The following TASP1 variants were observed in gnomAD, a reference collection of about 807,000 sequenced individuals.
TASP1 encodes taspase 1.
Under a neutral mutation model 56.6 loss-of-function variants are expected in TASP1, and 16 were observed. The observed-to-expected ratio is 0.28, with a 90% CI of 0.19 to 0.43. The LOEUF is 0.43. Ranked by LOEUF, TASP1 falls within the 20% of genes least tolerant of loss-of-function variation. The pLI is 1.00. For missense variants in TASP1, 393 were observed against 511.6 expected, an observed-to-expected ratio of 0.77 and a Z score of 2.24; for synonymous variants, 179 against 184.2, an observed-to-expected ratio of 0.97 and a Z score of 0.23.
At chr20:13,118,746 T>C in the TASP1 span, among the ~76,000 whole-genome samples, 1 of 152,200 alleles carries the variant, frequency 6.6e-6, no homozygotes, top group African/African-American at 2.4e-5. Flanking sequence ...CCTATTGTGA[T>C]GAACAGGAAC....
chr20:13,575,689 G>C (rs986806839), intron 6 of TASP1, among the ~76,000 whole-genome samples: 1 of 152,116 alleles, frequency 6.6e-6, no homozygotes, highest in African/African-American at 2.4e-5. Flanking sequence ...ATATGATCAA[G>C]AGCATCTGTG....
At chr20:13,535,144 G>A (rs2045366785) in intron 8 of TASP1, among the ~76,000 whole-genome samples, 1 of 152,076 alleles carries the variant, frequency 6.6e-6, no homozygotes, top group South Asian at 2.1e-4. Flanking sequence ...GTGATTTATT[G>A]CTCACATTAC....
chr20:13,483,569 G>T (rs554038190), intron 10 of TASP1, among the ~76,000 whole-genome samples: 2 of 152,090 alleles, frequency 1.3e-5, no homozygotes, highest in Middle Eastern at 3.2e-3. Context: ...AAATTAATAT[G>T]ATACGTAGTT....
At chr20:13,515,233 C>G (rs990543000) in intron 10 of TASP1, among the ~76,000 whole-genome samples, 12 of 152,040 alleles carry the variant, frequency 7.9e-5, no homozygotes, top group African/African-American at 2.9e-4. Flanking sequence ...ACATGCTAGA[C>G]CAAATGGTCG....
the TASP1 span, among the ~76,000 whole-genome samples, chr20:13,282,216 C>T: frequency 1.3e-5 from 2 of 152,048 alleles, no homozygotes; most frequent in Admixed American, 6.6e-5. Context: ...AATATGGGTC[C>T]CAGGCATCGT....
At chr20:13,523,607 T>C (rs1339097651) in intron 10 of TASP1, among the ~76,000 whole-genome samples, 1 of 152,092 alleles carries the variant, frequency 6.6e-6, no homozygotes, top group Non-Finnish European at 1.5e-5. Flanking sequence ...AGCTCAGAAA[T>C]ATTGAGGCAT....
chr20:13,221,763 C>T, the TASP1 span: 6 of 1,429,554 alleles, frequency 4.2e-6, no homozygotes, highest in Non-Finnish European at 5.5e-6. Context: ...CCTAAAGCCG[C>T]GCGTCTCAAA....
At chr20:13,418,737 A>C (rs138271156) in intron 12 of TASP1, among the ~76,000 whole-genome samples, 89 of 152,328 alleles carry the variant, frequency 5.8e-4, no homozygotes, top group African/African-American at 1.9e-3. Flanking sequence ...AACAAAGCTA[A>C]CACCACCAAT....
intron 6 of TASP1, among the ~76,000 whole-genome samples, chr20:13,577,176 T>C (rs759960536): frequency 6.6e-6 from 1 of 152,156 alleles, no homozygotes; most frequent in African/African-American, 2.4e-5. Flanking sequence ...GTTAAATCTC[T>C]TCTAACTTTG....
intron 4 of TASP1, among the ~76,000 whole-genome samples, chr20:13,612,784 C>G (rs1218368302): frequency 6.6e-6 from 1 of 152,102 alleles, no homozygotes; most frequent in Non-Finnish European, 1.5e-5. Flanking sequence ...TTCAGATGGA[C>G]AGGGTTTACG....
At chr20:13,372,453 T>C in the TASP1 span, among the ~76,000 whole-genome samples, 1 of 152,016 alleles carries the variant, frequency 6.6e-6, no homozygotes, top group East Asian at 1.9e-4. Context: ...ATTTGCTAGG[T>C]TTTATATTCA....
At chr20:13,143,783 A>C in the TASP1 span, among the ~76,000 whole-genome samples, 1 of 152,228 alleles carries the variant, frequency 6.6e-6, no homozygotes, top group East Asian at 1.9e-4. Context: ...AGCCCTTTCA[A>C]GGAACCACAT....
chr20:13,114,302 T>C, the TASP1 span, among the ~76,000 whole-genome samples: 1 of 152,236 alleles, frequency 6.6e-6, no homozygotes, highest in East Asian at 1.9e-4. Flanking sequence ...TATGTTTTCA[T>C]TAAGTATCAT....
intron 6 of TASP1, among the ~76,000 whole-genome samples, chr20:13,578,568 T>C (rs1367047923): frequency 6.6e-6 from 1 of 152,198 alleles, no homozygotes; most frequent in Non-Finnish European, 1.5e-5. Context: ...ATAAGAATAC[T>C]CTCCCATATT....
the TASP1 span, among the ~76,000 whole-genome samples, chr20:13,343,450 G>A: frequency 2.6e-5 from 4 of 152,172 alleles, no homozygotes; most frequent in Non-Finnish European, 5.9e-5. Context: ...CCAGGGAGAC[G>A]CCTCACACCA....
intron 10 of TASP1, among the ~76,000 whole-genome samples, chr20:13,520,550 T>C (rs1037188336): frequency 1.3e-5 from 2 of 152,172 alleles, no homozygotes; most frequent in Non-Finnish European, 2.9e-5. Flanking sequence ...TAAATGGTGC[T>C]GGGAAAACTG....
At chr20:13,626,325 G>C (rs1189754550) in intron 2 of TASP1, among the ~76,000 whole-genome samples, 3 of 152,158 alleles carry the variant, frequency 2.0e-5, no homozygotes, top group Non-Finnish European at 4.4e-5. Flanking sequence ...TACTCAGGGG[G>C]CTGGGGCACG....
At chr20:13,487,852 T>C (rs1044934695) in intron 10 of TASP1, among the ~76,000 whole-genome samples, 8 of 152,166 alleles carry the variant, frequency 5.3e-5, no homozygotes, top group African/African-American at 1.7e-4. Flanking sequence ...CTACATGTAA[T>C]TTCTTTCTAT....
intron 10 of TASP1, among the ~76,000 whole-genome samples, chr20:13,518,703 A>G (rs1347059549): frequency 1.3e-5 from 2 of 152,126 alleles, no homozygotes; most frequent in Non-Finnish European, 2.9e-5. Flanking sequence ...ACATTCACAC[A>G]TCAACGAACA....
Sources: allele counts gnomAD v4.1 joint callset (sites outside exome capture counted in the v4.1 genomes callset), GRCh38; gene constraint gnomAD v4.1.1; transcripts MANE v1.5; gene names NCBI Gene and HGNC (gene_info 2026-07-23, HGNC 2026-07-21).